CARF: variants seen among roughly 807,000 people sequenced by gnomAD.
CARF encodes the protein calcium responsive transcription factor.
In CARF, 57 loss-of-function variants were observed where a neutral mutation model predicts 82.0. That is an observed-to-expected ratio of 0.70 (90% CI 0.56 to 0.87). CARF has a LOEUF of 0.87. CARF is among the 40% of genes least tolerant of loss of function. The pLI is 0.00. For missense variants in CARF, 771 were observed against 855.8 expected, an observed-to-expected ratio of 0.90 and a Z score of 1.24; for synonymous variants, 268 against 290.1, an observed-to-expected ratio of 0.92 and a Z score of 0.77.
intron 8 of CARF, among the ~76,000 whole-genome samples, chr2:202,955,999 C>T (rs768645338): frequency 7.9e-5 from 12 of 152,010 alleles, no homozygotes; most frequent in Non-Finnish European, 1.3e-4. Context: ...TCTCTTCCCT[C>T]GTAGTCCATG....
chr2:202,925,299 C>A, intron 3 of CARF: 1 of 356,776 alleles, frequency 2.8e-6, no homozygotes, highest in South Asian at 2.5e-5. Flanking sequence ...CTGACAAGAT[C>A]AACTTCCTCA....
At chr2:202,935,124 T>TATAATTATATATAATTATA (rs1559204258) in intron 3 of CARF, among the ~76,000 whole-genome samples, 101 of 85,250 alleles carry the variant, frequency 1.2e-3, no homozygotes, top group East Asian at 4.6e-3. Flanking sequence ...ATATAATTAT[T>TATAATTATATATAATTATA]TATAATTATA....
chr2:202,935,428 T>C (rs984769263), intron 3 of CARF, among the ~76,000 whole-genome samples: 2 of 151,268 alleles, frequency 1.3e-5, no homozygotes, highest in African/African-American at 4.9e-5. Context: ...ATTGTACCCT[T>C]TTCTCTGACT....
intron 3 of CARF, among the ~76,000 whole-genome samples, chr2:202,926,308 G>A (rs1691812935): frequency 6.6e-6 from 1 of 152,170 alleles, no homozygotes; most frequent in South Asian, 2.1e-4. Context: ...ACCTTTGGGA[G>A]CCTTCTGGTT....
intron 9 of CARF, among the ~76,000 whole-genome samples, chr2:202,965,092 T>C (rs1360967431): frequency 6.6e-6 from 1 of 152,120 alleles, no homozygotes; most frequent in African/African-American, 2.4e-5. Flanking sequence ...AGTTAATAAA[T>C]CTCTTAAACT....
intron 5 of CARF, among the ~76,000 whole-genome samples, chr2:202,944,750 G>T (rs1375092111): frequency 6.6e-6 from 1 of 151,168 alleles, no homozygotes; most frequent in Non-Finnish European, 1.5e-5. Flanking sequence ...CCCTTTATTT[G>T]ACATTTATTC....
At chr2:202,916,251 G>A (rs566725538) in intron 1 of CARF, among the ~76,000 whole-genome samples, 41 of 150,048 alleles carry the variant, frequency 2.7e-4, no homozygotes, top group African/African-American at 9.4e-4. Flanking sequence ...CACAATCTTG[G>A]CTCCCTGCGA....
rs1040092395 is a variant in CARF at position 202,987,538 on chromosome 2, A to C, written c.*3914A>C. On this transcript the variant is annotated 3_prime_UTR_variant, in exon 17 of 17. Coordinates refer to ENST00000438828, the MANE Select transcript of CARF (RefSeq NM_024744.17). ...GTCATTCTACTTAATTAACTTAGTC[A>C]TAAGGACAAAGCCTTAGTATATTTT... Among the ~76,000 whole-genome samples, 13 of 152,188 alleles carry C rather than the reference A, an allele frequency of 8.5e-5. No individual in the cohort carries two copies. The highest frequency in any genetic ancestry group is 2.6e-4 in the Admixed American group (4 of 15,270).
intron 9 of CARF, chr2:202,963,009 T>G (rs2059386766): frequency 6.6e-6 from 1 of 152,266 alleles, no homozygotes; most frequent in Admixed American, 6.5e-5. Flanking sequence ...ATTTCATCTT[T>G]ACAAGATTAT....
chr2:202,981,273 T>C (rs72932556), intron 14 of CARF, among the ~76,000 whole-genome samples: 13,576 of 152,132 alleles, frequency 0.089, 740 homozygotes, highest in Non-Finnish European at 0.12. Context: ...GAATCTAATG[T>C]TTCTGCTGAT....
chr2:202,963,485 T>C (rs977999226), intron 9 of CARF, among the ~76,000 whole-genome samples: 3 of 152,204 alleles, frequency 2.0e-5, no homozygotes, highest in African/African-American at 7.2e-5. Context: ...CCCAATATTT[T>C]TGGCACCAGG....
intron 11 of CARF, among the ~76,000 whole-genome samples, chr2:202,971,302 A>C (rs2105913370): frequency 6.6e-6 from 1 of 152,224 alleles, no homozygotes; most frequent in African/African-American, 2.4e-5. Context: ...ATTTAATTGG[A>C]TATAAAGCAA....
intron 5 of CARF, among the ~76,000 whole-genome samples, chr2:202,950,802 C>T (rs2058720592): frequency 6.6e-6 from 1 of 152,066 alleles, no homozygotes; most frequent in African/African-American, 2.4e-5. Context: ...GAACTGAGCA[C>T]GTGTAAGCAG....
At chr2:202,964,602 C>G (rs965652679) in intron 9 of CARF, among the ~76,000 whole-genome samples, 1 of 151,740 alleles carries the variant, frequency 6.6e-6, no homozygotes, top group Non-Finnish European at 1.5e-5. Context: ...TTTTTAAAGC[C>G]TTAAAAAACC....
chr2:202,984,021 G>T lies in CARF; in HGVS notation c.*397G>T. 1 of 154,524 alleles carries T rather than the reference G, an allele frequency of 6.5e-6. No homozygotes were observed. Among genetic ancestry groups the T allele is most frequent in the Non-Finnish European group, 1.4e-5 (1 of 69,644 alleles). The allele number at this position is 154,524 out of a possible 1,614,324, so 9.6% of individuals were successfully genotyped here. A position where few individuals can be genotyped will look rare whatever the true frequency, so the allele number is the denominator to read the frequency against. On this transcript the variant is annotated 3_prime_UTR_variant, in exon 17 of 17. Coordinates refer to ENST00000438828, the MANE Select transcript of CARF (RefSeq NM_024744.17). ...TGAATGTATGTTTGTATGTGTGTAT[G>T]TATATCATGAATTTTTTTTTTAAGT...
rs767807509 is a variant in CARF at position 202,970,008 on chromosome 2, A to G, written c.1043A>G (p.Glu348Gly). Residue 348 changes from glutamate (E) to glycine (G), a missense_variant, in exon 11 of 17, where the codon GAG (glutamate) becomes GGG (glycine). By Grantham distance (98) the Glu-to-Gly change is moderately conservative (BLOSUM62 -2). Transcript: ENST00000438828. The part of the protein sequence containing the change: ...IDKKIIRMEQ[E>G]KAFNMLKKNL... The stretch of plus-strand genomic sequence containing the variant: ...AAGAAAATTATCAGAATGGAGCAGG[A>G]GAAAGCTTTTAACATGCTAAAGAAG... 14 of 1,581,560 alleles carry G rather than the reference A, an allele frequency of 8.9e-6. No homozygotes were observed. The highest frequency in any genetic ancestry group is 1.2e-5 in the Non-Finnish European group (14 of 1,170,908).
At chr2:202,936,041 T>C (rs964446855) in intron 3 of CARF, among the ~76,000 whole-genome samples, 1 of 151,922 alleles carries the variant, frequency 6.6e-6, no homozygotes, top group Non-Finnish European at 1.5e-5. Flanking sequence ...TGAACTCCCA[T>C]GCTGGTCTCA....
intron 3 of CARF, among the ~76,000 whole-genome samples, chr2:202,931,287 A>G (rs1264693504): frequency 1.3e-5 from 2 of 152,030 alleles, no homozygotes; most frequent in Non-Finnish European, 2.9e-5. Context: ...TTTCTTCATA[A>G]ACTTTTATTT....
rs1054469308 is a variant in CARF, at chr2:202,919,195, C to A, written c.-163+1152C>A. Among the ~76,000 whole-genome samples the A allele has an allele frequency of 3.3e-5, 5 of 152,174 alleles. No homozygotes were observed. The South Asian group carries it at 1.0e-3, about 32-fold the overall frequency. The stretch of plus-strand genomic sequence containing the variant: ...TCCCTCAGGGTAGCTCTTTTTAACT[C>A]GTTTTAAAGGAAGAAATCCATCCTT... On this transcript the variant is annotated intron_variant, in intron 2 of 16. Transcript: ENST00000438828.
Sources: allele counts gnomAD v4.1 joint callset (sites outside exome capture counted in the v4.1 genomes callset), GRCh38; gene constraint gnomAD v4.1.1; transcripts MANE v1.5; gene names NCBI Gene and HGNC (gene_info 2026-07-23, HGNC 2026-07-21).